The following POU2F1 variants were observed in gnomAD, a reference collection of about 807,000 sequenced individuals.
POU2F1 encodes the protein POU class 2 homeobox 1.
Under a neutral mutation model 84.9 loss-of-function variants are expected in POU2F1, and 16 were observed. The ratio of observed to expected loss-of-function variants is 0.19; its 90% CI spans 0.13 to 0.29. The LOEUF (loss-of-function observed/expected upper bound fraction) is 0.29. Ranked by LOEUF, POU2F1 falls within the 10% of genes least tolerant of loss-of-function variation. POU2F1 has a pLI of 1.00. For synonymous variants in POU2F1, 368 were observed against 368.3 expected, an observed-to-expected ratio of 1.00 and a Z score of 0.01; for missense variants, 738 against 942.6, an observed-to-expected ratio of 0.78 and a Z score of 2.84.
Position 167,266,995 on chromosome 1 carries a change from T to C in POU2F1, c.61+46037T>C, listed in dbSNP as rs73034571. 5.2e-3 allele frequency among the ~76,000 whole-genome samples: 798 copies of C among 152,296 alleles called. 10 individuals carry two copies. Among genetic ancestry groups the C allele is most frequent in the African/African-American group, 0.018 (734 of 41,550 alleles). ...ATTTTTACACCAGTAAGGAAAGATA[T>C]GAAAAGTGCTGTTTCTTGGAGGTTT... On this transcript the variant is annotated intron_variant, in intron 1 of 15. Transcript: ENST00000367866.
At chr1:167,341,297 T>C (rs1438699568) in intron 2 of POU2F1, among the ~76,000 whole-genome samples, 1 of 152,162 alleles carries the variant, frequency 6.6e-6, no homozygotes, top group Non-Finnish European at 1.5e-5. Flanking sequence ...TATATTTTAA[T>C]ATAAATGTTA....
At chr1:167,336,546 A>C (rs181546145) in intron 2 of POU2F1, among the ~76,000 whole-genome samples, 22 of 152,314 alleles carry the variant, frequency 1.4e-4, no homozygotes, top group Middle Eastern at 3.4e-3. Flanking sequence ...TATAGGAAAA[A>C]TTTGAATTGC....
intron 1 of POU2F1, among the ~76,000 whole-genome samples, chr1:167,281,480 T>G (rs1227117366): frequency 6.6e-6 from 1 of 152,342 alleles, no homozygotes; most frequent in South Asian, 2.1e-4. Context: ...CCAGCCATAG[T>G]AGGCTCAGAG....
At chr1:167,344,468 CTT>C (rs1319292356) in intron 2 of POU2F1, among the ~76,000 whole-genome samples, 5 of 152,178 alleles carry the variant, frequency 3.3e-5, no homozygotes, top group African/African-American at 1.2e-4. Context: ...GTAAGCAACT[CTT>C]TTCATGGAAG....
In POU2F1 at chr1:167,396,420, T is replaced by G; in HGVS notation, c.1122T>G (p.Asn374Lys). The G allele has an allele frequency of 2.5e-6, 4 of 1,613,798 alleles. No individual in the cohort carries two copies. Among genetic ancestry groups the G allele is most frequent in the Non-Finnish European group, 3.4e-6 (4 of 1,179,774 alleles). Reference protein sequence around the residue: ...KLKPLLEKWLNDAENLSSDSS... With the variant: ...KLKPLLEKWLKDAENLSSDSS... ...AGCCACTTTTAGAGAAGTGGCTAAA[T>G]GATGCAGGTAAGTGACTGTATAAGA... Residue 374 changes from asparagine to lysine, a missense_variant, in exon 10 of 16, where the codon AAT becomes AAG. This residue lies in a region of POU2F1 where 95 missense variants were observed against 195.1 expected (regional missense o/e 0.49). Transcript: ENST00000367866.
intron 2 of POU2F1, among the ~76,000 whole-genome samples, chr1:167,341,170 A>T (rs1315965880): frequency 6.6e-6 from 1 of 152,212 alleles, no homozygotes; most frequent in Non-Finnish European, 1.5e-5. Context: ...ACAGTATTCC[A>T]ATTCTTCAGA....
chr1:167,222,720 A>G (rs943357030), intron 1 of POU2F1, among the ~76,000 whole-genome samples: 3 of 152,192 alleles, frequency 2.0e-5, no homozygotes, highest in African/African-American at 7.2e-5. Flanking sequence ...AACAGGTCCT[A>G]GCTAAGTATC....
intron 8 of POU2F1, among the ~76,000 whole-genome samples, chr1:167,386,306 C>T (rs369968584): frequency 1.8e-3 from 271 of 152,274 alleles, no homozygotes; most frequent in African/African-American, 6.3e-3. Context: ...GCAATCCTCC[C>T]GCATCAGCCT....
intron 1 of POU2F1, among the ~76,000 whole-genome samples, chr1:167,260,157 C>T (rs1404604440): frequency 6.6e-6 from 1 of 152,134 alleles, no homozygotes; most frequent in Non-Finnish European, 1.5e-5. Context: ...GGGTTACAGG[C>T]GTAAGCCACT....
At chr1:167,370,044 C>G (rs1195902563) in intron 3 of POU2F1, 117 bp from the exon 4 acceptor site, 1 of 832,272 alleles carries the variant, frequency 1.2e-6, no homozygotes, top group Non-Finnish European at 1.8e-6. Flanking sequence ...GTAAGACAAA[C>G]TTCTTTGTCT....
chr1:167,330,477 A>G (rs1365794632), intron 1 of POU2F1, among the ~76,000 whole-genome samples: 2 of 152,182 alleles, frequency 1.3e-5, no homozygotes, highest in Non-Finnish European at 1.5e-5. Context: ...TTAGTTAACA[A>G]TTCAAAAAAA....
intron 12 of POU2F1, 100 bp downstream of exon 12, chr1:167,399,465 A>G: frequency 9.9e-7 from 1 of 1,009,112 alleles, no homozygotes; most frequent in Non-Finnish European, 1.4e-6. Context: ...AATTTAATGA[A>G]TAAATACATC....
intron 1 of POU2F1, among the ~76,000 whole-genome samples, chr1:167,288,332 T>C (rs1653679048): frequency 6.6e-6 from 1 of 152,190 alleles, no homozygotes; most frequent in African/African-American, 2.4e-5. Flanking sequence ...TGACTTCATA[T>C]TCAGAAATTA....
At chr1:167,359,188 TTTA>T (rs1251797366) in intron 2 of POU2F1, among the ~76,000 whole-genome samples, 4,645 of 81,516 alleles carry the variant, frequency 0.057, 123 homozygotes, top group African/African-American at 0.12. Flanking sequence ...CTAGACTTTT[TTTA>T]AAAAAAAAAA....
intron 1 of POU2F1, among the ~76,000 whole-genome samples, chr1:167,237,736 A>ATGTG (rs201151600): frequency 3.8e-5 from 4 of 104,602 alleles, no homozygotes; most frequent in African/African-American, 1.2e-4. Flanking sequence ...AAATCCATAT[A>ATGTG]TGTGTGTGTG....
At chr1:167,359,760 G>C (rs1659226071) in intron 2 of POU2F1, among the ~76,000 whole-genome samples, 1 of 149,868 alleles carries the variant, frequency 6.7e-6, no homozygotes, top group Non-Finnish European at 1.5e-5. Context: ...TTGCCAAACT[G>C]CTTTCCACAG....
intron 3 of POU2F1, among the ~76,000 whole-genome samples, chr1:167,368,770 A>G (rs1238823584): frequency 1.3e-5 from 2 of 152,174 alleles, no homozygotes; most frequent in Non-Finnish European, 2.9e-5. Context: ...AGCAGTTTCA[A>G]ATAAAGGACA....
chr1:167,309,791 T>G (rs1361357517), intron 1 of POU2F1, among the ~76,000 whole-genome samples: 1 of 152,148 alleles, frequency 6.6e-6, no homozygotes, highest in Admixed American at 6.5e-5. Context: ...ACATTTAAGG[T>G]GTTAAAGATA....
chr1:167,312,317 C>T (rs1270943440), intron 1 of POU2F1, among the ~76,000 whole-genome samples: 2 of 151,736 alleles, frequency 1.3e-5, no homozygotes, highest in African/African-American at 4.8e-5. Flanking sequence ...TCACCGCAAC[C>T]TCCACCTCCC....
Sources: allele counts gnomAD v4.1 joint callset (sites outside exome capture counted in the v4.1 genomes callset), GRCh38; gene constraint gnomAD v4.1.1; regional missense constraint gnomAD v4.1.1; transcripts MANE v1.5; gene names NCBI Gene and HGNC (gene_info 2026-07-23, HGNC 2026-07-21).